CALN1: variants seen among roughly 807,000 people sequenced by gnomAD.
CALN1 encodes the protein calneuron 1, also known as calcium-binding protein 8.
A neutral mutation model predicts 30.6 loss-of-function variants in CALN1; 17 were observed. The observed-to-expected ratio is 0.56, with a 90% confidence interval of 0.38 to 0.83. The LOEUF is 0.83. Among genes scored for constraint, CALN1 ranks in the 40% least tolerant of loss-of-function variants. CALN1 has a pLI of 0.00. For missense variants in CALN1, 291 were observed against 354.9 expected (o/e 0.82, Z 1.45); for synonymous variants, 156 against 131.4 (o/e 1.19, Z -1.28).
chr7:72,361,770 G>T (rs1473891535), intron 2 of CALN1, among the ~76,000 whole-genome samples: 2 of 152,162 alleles, frequency 1.3e-5, no homozygotes, highest in East Asian at 3.8e-4. Flanking sequence ...ATCTTTCAGA[G>T]CAAAGGTTCA....
chr7:72,095,534 G>A (rs1000915031), intron 4 of CALN1, among the ~76,000 whole-genome samples: 1 of 152,134 alleles, frequency 6.6e-6, no homozygotes, highest in African/African-American at 2.4e-5. Context: ...CAACACTAGT[G>A]GCTTTGTGAA....
At position 72,059,944 on chromosome 7, in the gene CALN1, T is replaced by C. The variant is rs537154827; in HGVS notation, c.389-36175A>G. On this transcript the variant is annotated intron_variant, in intron 4 of 6. Transcript: ENST00000395275. Reference sequence around the variant, plus strand: ...TTTGGGGATTCTGAGAAGTAAGTTGTAGTAGCAGGTGATTTGGAGAAGACC... The same window carrying C: ...TTTGGGGATTCTGAGAAGTAAGTTGCAGTAGCAGGTGATTTGGAGAAGACC... 1.0e-4 allele frequency among the ~76,000 whole-genome samples: 15 copies of C among 146,558 alleles called. No individual in the cohort carries two copies. The South Asian group carries it at 3.4e-3, about 33-fold the overall frequency.
chr7:72,175,934 C>T (rs1274284683), intron 3 of CALN1, among the ~76,000 whole-genome samples: 4 of 151,974 alleles, frequency 2.6e-5, no homozygotes, highest in African/African-American at 9.7e-5. Context: ...ATTCCTTTCC[C>T]TTTAAGTGCA....
At chr7:71,881,068 A>C (rs1039278599) in intron 5 of CALN1, among the ~76,000 whole-genome samples, 29 of 152,194 alleles carry the variant, frequency 1.9e-4, no homozygotes, top group African/African-American at 6.8e-4. Context: ...GAAGGACTTG[A>C]CTTGCTGAGT....
At chr7:72,359,669 C>T (rs374814029) in intron 2 of CALN1, among the ~76,000 whole-genome samples, 27 of 152,110 alleles carry the variant, frequency 1.8e-4, no homozygotes, top group Admixed American at 5.2e-4. Context: ...AGTGGAGGAA[C>T]CTTGTGAAAG....
intron 5 of CALN1, among the ~76,000 whole-genome samples, chr7:71,990,237 A>T (rs1462447037): frequency 6.6e-6 from 1 of 152,168 alleles, no homozygotes; most frequent in East Asian, 1.9e-4. Context: ...AAGCATGCTA[A>T]ACGACACTCC....
chr7:71,952,089 C>T (rs780573035), intron 5 of CALN1, among the ~76,000 whole-genome samples: 6 of 152,196 alleles, frequency 3.9e-5, no homozygotes, highest in Admixed American at 6.5e-5. Context: ...TCAAGAGAAA[C>T]AGTTGCTAGC....
chr7:71,881,123 T>C (rs779416004), intron 5 of CALN1, among the ~76,000 whole-genome samples: 1 of 152,200 alleles, frequency 6.6e-6, no homozygotes, highest in Non-Finnish European at 1.5e-5. Flanking sequence ...TTCCTGCCCT[T>C]GAACATCAGA....
intron 3 of CALN1, among the ~76,000 whole-genome samples, chr7:72,236,744 T>C (rs1794495499): frequency 6.6e-6 from 1 of 152,210 alleles, no homozygotes; most frequent in South Asian, 2.1e-4. Context: ...AAATGTGTCA[T>C]TGATTTTCAG....
intron 2 of CALN1, among the ~76,000 whole-genome samples, chr7:72,318,495 A>T (rs909123586): frequency 1.3e-5 from 2 of 152,136 alleles, no homozygotes; most frequent in Admixed American, 6.6e-5. Flanking sequence ...ATGACAGAGG[A>T]TCAAATGTAC....
At chr7:72,406,851 A>C (rs939123337) in intron 1 of CALN1, among the ~76,000 whole-genome samples, 4 of 152,062 alleles carry the variant, frequency 2.6e-5, no homozygotes, top group African/African-American at 9.7e-5. Flanking sequence ...TCTGACCTCA[A>C]GTGATCTGCC....
intron 2 of CALN1, among the ~76,000 whole-genome samples, chr7:72,371,276 T>G (rs184969877): frequency 5.3e-5 from 8 of 152,174 alleles, no homozygotes; most frequent in Admixed American, 1.3e-4. Context: ...GATTGAAGTA[T>G]GTATGTTTGC....
At chr7:72,177,738 C>T (rs776168285) in intron 3 of CALN1, among the ~76,000 whole-genome samples, 23 of 135,086 alleles carry the variant, frequency 1.7e-4, no homozygotes, top group Non-Finnish European at 3.1e-4. Flanking sequence ...TCACTCCAGC[C>T]TGGGCGACAG....
intron 2 of CALN1, among the ~76,000 whole-genome samples, chr7:72,344,888 CAT>C (rs1432226578): frequency 6.8e-6 from 1 of 146,100 alleles, no homozygotes; most frequent in South Asian, 2.1e-4. Context: ...ATATAAATAG[CAT>C]ATATTTATAT....
the CALN1 span, among the ~76,000 whole-genome samples, chr7:72,466,866 A>AAAG: frequency 1.4e-3 from 203 of 150,304 alleles, 1 homozygote; most frequent in African/African-American, 4.9e-3. Flanking sequence ...AAGAGAAAGA[A>AAAG]AAAGAAAGAA....
intron 3 of CALN1, among the ~76,000 whole-genome samples, chr7:72,145,365 A>C (rs200253352): frequency 6.6e-6 from 1 of 152,230 alleles, no homozygotes; most frequent in African/African-American, 2.4e-5. Context: ...AAACTAGAAA[A>C]TCTAGAAGAA....
chr7:72,154,355 C>T (rs945989019), intron 3 of CALN1, among the ~76,000 whole-genome samples: 1 of 152,088 alleles, frequency 6.6e-6, no homozygotes, highest in Non-Finnish European at 1.5e-5. Flanking sequence ...ACATGTCTGA[C>T]GACTGGCCCA....
At chr7:72,365,749 A>G (rs762519934) in intron 2 of CALN1, among the ~76,000 whole-genome samples, 3 of 152,200 alleles carry the variant, frequency 2.0e-5, no homozygotes, top group Non-Finnish European at 4.4e-5. Context: ...GTGTAAGATC[A>G]CGAATAATCA....
chr7:71,998,022 T>C (rs926858907), intron 5 of CALN1, among the ~76,000 whole-genome samples: 3 of 152,018 alleles, frequency 2.0e-5, no homozygotes, highest in African/African-American at 7.2e-5. Flanking sequence ...AGTTTCACCA[T>C]CTTGGCCAGG....
Sources: gnomAD v4.1 joint callset for allele counts (sites outside exome capture counted in the v4.1 genomes callset) on GRCh38, gnomAD v4.1.1 for gene constraint, MANE v1.5 for transcripts, NCBI Gene and HGNC (gene_info 2026-07-23, HGNC 2026-07-21) for gene names.